The following LINGO2 variants were observed in gnomAD, a reference collection of about 807,000 sequenced individuals.
LINGO2 encodes leucine rich repeat and Ig domain containing 2.
In LINGO2, 14 loss-of-function variants were observed where a neutral mutation model predicts 30.6. That is an observed-to-expected ratio of 0.46 (90% CI 0.30 to 0.72). LINGO2 has a LOEUF of 0.72. Ranked by LOEUF, LINGO2 falls within the 30% of genes least tolerant of loss-of-function variation. LINGO2 has a pLI of 0.07. For synonymous variants in LINGO2, 317 were observed against 288.5 expected, an observed-to-expected ratio of 1.10 and a Z score of -1.00; for missense variants, 729 against 751.7, an observed-to-expected ratio of 0.97 and a Z score of 0.35.
At chr9:28,052,927 C>A (rs879327162) in intron 4 of LINGO2, among the ~76,000 whole-genome samples, 1 of 151,892 alleles carries the variant, frequency 6.6e-6, no homozygotes, top group Non-Finnish European at 1.5e-5. Flanking sequence ...AAGTAAAAAT[C>A]TGTATTCAAA....
At chr9:29,112,276 C>T in the LINGO2 span, among the ~76,000 whole-genome samples, 39 of 152,148 alleles carry the variant, frequency 2.6e-4, no homozygotes, top group Non-Finnish European at 4.9e-4. Context: ...CTAGGACCAG[C>T]GGCATGAGCA....
chr9:28,370,412 A>AT lies in LINGO2; in HGVS notation c.-246+2423dup, dbSNP rs200948351. On this transcript the variant is annotated intron_variant, in intron 3 of 5. Coordinates refer to ENST00000379992, the Ensembl canonical transcript of LINGO2. ...CTTTGGTTTCTGGTTTCCTTCAGTG[A>AT]TTTTTTTTTCTAGATATTCTACAAA... Among the ~76,000 whole-genome samples, 81 of 151,772 alleles carry AT rather than the reference A, an allele frequency of 5.3e-4. No homozygotes were observed. In the South Asian group the frequency reaches 8.3e-3, roughly 16 times the overall value.
chr9:28,070,045 C>G (rs142308433), intron 4 of LINGO2, among the ~76,000 whole-genome samples: 227 of 152,226 alleles, frequency 1.5e-3, no homozygotes, highest in African/African-American at 5.2e-3. Flanking sequence ...TCATGTCCGT[C>G]CACTCTCTTT....
the LINGO2 span, among the ~76,000 whole-genome samples, chr9:29,118,741 G>C: frequency 6.6e-6 from 1 of 152,058 alleles, no homozygotes; most frequent in African/African-American, 2.4e-5. Flanking sequence ...AGTCATGCTC[G>C]CTACCTCTCC....
At chr9:28,425,992 C>A (rs1427909749) in intron 2 of LINGO2, among the ~76,000 whole-genome samples, 2 of 151,984 alleles carry the variant, frequency 1.3e-5, no homozygotes, top group Non-Finnish European at 2.9e-5. Flanking sequence ...TCATCTATAA[C>A]TATAATTTGC....
the LINGO2 span, among the ~76,000 whole-genome samples, chr9:28,946,808 C>G: frequency 6.6e-6 from 1 of 152,040 alleles, no homozygotes; most frequent in African/African-American, 2.4e-5. Context: ...GGCATGACTA[C>G]CACAGAGAGA....
In LINGO2 at chr9:28,147,458, A is replaced by C. The variant is rs1421371479; in HGVS notation, c.-86-135053T>G. On this transcript the variant is annotated intron_variant, in intron 4 of 5. Coordinates refer to ENST00000379992, the Ensembl canonical transcript of LINGO2. The surrounding 1 kb of genome is among the most constrained non-coding windows in gnomAD (Gnocchi z 4.7). ...TGTGGAGCGAGGCTGGTGGCCCTTG[A>C]GGCCACGGCAGCCATGGAGAAGGCG... Among the ~76,000 whole-genome samples the C allele has an allele frequency of 6.6e-6, 1 of 152,196 alleles. No homozygotes were observed. Among genetic ancestry groups the C allele is most frequent in the Non-Finnish European group, 1.5e-5 (1 of 68,016 alleles).
the LINGO2 span, among the ~76,000 whole-genome samples, chr9:28,771,466 T>G: frequency 2.3e-5 from 2 of 86,812 alleles, no homozygotes; most frequent in Non-Finnish European, 2.2e-5. Flanking sequence ...TGTGTGTGTG[T>G]GTGTGTGTGT....
chr9:29,052,721 A>AGCT, the LINGO2 span, among the ~76,000 whole-genome samples: 1 of 152,178 alleles, frequency 6.6e-6, no homozygotes, highest in Non-Finnish European at 1.5e-5. Flanking sequence ...AGAAGGGTGA[A>AGCT]GACTTTGGTG....
chr9:28,665,019 A>G (rs1161023031), intron 1 of LINGO2, among the ~76,000 whole-genome samples: 1 of 121,674 alleles, frequency 8.2e-6, no homozygotes, highest in Non-Finnish European at 1.7e-5. Flanking sequence ...ATATATATAT[A>G]TATATATATA....
In LINGO2 at chr9:28,268,709, C is replaced by T. The variant is rs575673911; in HGVS notation, c.-87+26499G>A. ...GCCTTTACCAAAAGAATTAAAAGTA[C>T]ATGAGGTCAGGACTACATAACCACT... is the stretch of plus-strand genomic sequence containing the variant. On this transcript the variant is annotated intron_variant, in intron 4 of 5. Transcript: ENST00000379992. Among the ~76,000 whole-genome samples the T allele has an allele frequency of 4.6e-5, 7 of 152,136 alleles. No homozygotes were observed. In the South Asian group the frequency reaches 8.3e-4, roughly 18 times the overall value.
intron 5 of LINGO2, among the ~76,000 whole-genome samples, chr9:27,955,229 C>T (rs1474889121): frequency 6.6e-6 from 1 of 152,146 alleles, no homozygotes; most frequent in African/African-American, 2.4e-5. Context: ...TATTTAGTTA[C>T]CTTGACATTA....
the LINGO2 span, among the ~76,000 whole-genome samples, chr9:28,884,999 TATA>T: frequency 1.6e-4 from 10 of 61,650 alleles, 1 homozygote; most frequent in African/African-American, 4.5e-4. Context: ...TAATATATTA[TATA>T]TATATATATA....
the LINGO2 span, among the ~76,000 whole-genome samples, chr9:28,990,977 C>T: frequency 4.9e-4 from 74 of 152,308 alleles, no homozygotes; most frequent in Non-Finnish European, 7.3e-4. Flanking sequence ...TCCAAAGGAA[C>T]GCAGTTCCTC....
At chr9:28,729,305 T>C in the LINGO2 span, among the ~76,000 whole-genome samples, 1 of 152,182 alleles carries the variant, frequency 6.6e-6, no homozygotes, top group African/African-American at 2.4e-5. Flanking sequence ...ACAAGGTTTA[T>C]ACATGTACTC....
chr9:28,219,156 G>T (rs1266713307), intron 4 of LINGO2, among the ~76,000 whole-genome samples: 1 of 152,038 alleles, frequency 6.6e-6, no homozygotes, highest in Non-Finnish European at 1.5e-5. Context: ...GTTAACTATT[G>T]CCTGACAATT....
the LINGO2 span, among the ~76,000 whole-genome samples, chr9:28,681,992 T>C: frequency 1.3e-5 from 2 of 152,092 alleles, no homozygotes; most frequent in African/African-American, 4.8e-5. Context: ...TAGAGTGACT[T>C]ACTGACAGCA....
At chr9:28,361,228 G>T (rs1475221220) in intron 3 of LINGO2, among the ~76,000 whole-genome samples, 1 of 152,158 alleles carries the variant, frequency 6.6e-6, no homozygotes, top group African/African-American at 2.4e-5. Flanking sequence ...GCCCCAAAGT[G>T]CAAGAGTAGT....
In LINGO2 at chr9:28,600,729, C is replaced by T. The variant is rs150936450; in HGVS notation, c.-365+69471G>A. On this transcript the variant is annotated intron_variant, in intron 1 of 5. Transcript: ENST00000379992. ...TAACTTAATAACAAGCAGTAATTAG[C>T]ATACTAGCTGTTTGTGGCTAAATAC... Among the ~76,000 whole-genome samples the T allele has an allele frequency of 4.9e-4, 74 of 152,178 alleles. 1 individual carries two copies. The highest frequency in any genetic ancestry group is 1.6e-3 in the African/African-American group (67 of 41,542).
Sources: gnomAD v4.1 joint callset for allele counts (sites outside exome capture counted in the v4.1 genomes callset) on GRCh38, gnomAD v4.1.1 for gene constraint, Gnocchi (gnomAD v3.1) non-coding constraint, MANE v1.5 for transcripts, NCBI Gene and HGNC (gene_info 2026-07-23, HGNC 2026-07-21) for gene names.